CDR2L: variants seen among roughly 807,000 people sequenced by gnomAD.
CDR2L encodes the protein cerebellar degeneration related protein 2 like, also known as cerebellar degeneration-related protein 2-like.
A neutral mutation model predicts 36.1 loss-of-function variants in CDR2L; 19 were observed. That is an observed-to-expected ratio of 0.53 (90% CI 0.37 to 0.77). The LOEUF (loss-of-function observed/expected upper bound fraction) is 0.77. CDR2L is among the 30% of genes least tolerant of loss of function. The pLI, the probability that CDR2L is intolerant of heterozygous loss-of-function variation, is 0.00. For missense variants in CDR2L, 575 were observed against 627.2 expected (o/e 0.92, Z 0.89); for synonymous variants, 285 against 280.4 (o/e 1.02, Z -0.16).
At chr17:74,999,337 T>C (rs2039850326) in intron 1 of CDR2L, among the ~76,000 whole-genome samples, 167 bp from the exon 2 acceptor site, 2 of 129,696 alleles carry the variant, frequency 1.5e-5, no homozygotes, top group African/African-American at 2.7e-5. Flanking sequence ...AAAAGAACAT[T>C]CCAGGCAGAA....
rs1279410136 is a variant in CDR2L at position 75,003,390 on chromosome 17, G to A, written c.714G>A (p.Glu238=). The A allele has an allele frequency of 1.3e-6, 2 of 1,563,876 alleles. No individual in the cohort carries two copies. Among genetic ancestry groups the A allele is most frequent in the East Asian group, 2.4e-5 (1 of 41,724 alleles). The change falls in exon 5 of 5, where the codon GAG becomes GAA. Residue 238 remains glutamate, a synonymous_variant. Coordinates refer to ENST00000337231, the MANE Select transcript of CDR2L (RefSeq NM_014603.3). ...TGGAGCGCCAGCTGTGCGAGATGGA[G>A]GCCTGTCGCCTGCGTGTGCAGGAGC... ...SELERQLCEM[E]ACRLRVQELE...
chr17:74,995,576 G>A (rs549427242), intron 1 of CDR2L, among the ~76,000 whole-genome samples: 9 of 151,828 alleles, frequency 5.9e-5, no homozygotes, highest in Non-Finnish European at 8.8e-5. Flanking sequence ...GCACAATCTC[G>A]GCTCACTGCA....
At position 74,991,488 on chromosome 17, in the gene CDR2L, C is replaced by T. The variant is rs560793337; in HGVS notation, c.79+3366C>T. On this transcript the variant is annotated intron_variant, in intron 1 of 4. Transcript: ENST00000337231. ...ATCCCAGCACTTTGGGAGGCCGAGG[C>T]GGATGGATCACAACATCAGGAGATC... Among the ~76,000 whole-genome samples the T allele has an allele frequency of 1.3e-3, 200 of 150,610 alleles. 1 individual carries two copies. Among genetic ancestry groups the T allele is most frequent in the African/African-American group, 4.7e-3 (191 of 40,858 alleles).
chr17:75,004,100 C>G lies in CDR2L; in HGVS notation c.*26C>G, dbSNP rs2144870717. The G allele has an allele frequency of 6.3e-7, 1 of 1,575,086 alleles. No individual in the cohort carries two copies. Among genetic ancestry groups the G allele is most frequent in the East Asian group, 2.3e-5 (1 of 44,172 alleles). ...CCCTTCTCCGGCCTGCAGCCTCCCC[C>G]AGGGTGGAAGCCGTGGGGTCCCTCA... On this transcript the variant is annotated 3_prime_UTR_variant, in exon 5 of 5. Transcript: ENST00000337231.
At position 75,004,023 on chromosome 17, in the gene CDR2L, G is replaced by A; in HGVS notation, c.1347G>A (p.Lys449=). The A allele has an allele frequency of 6.2e-7, 1 of 1,610,952 alleles. No individual in the cohort carries two copies. The highest frequency in any genetic ancestry group is 1.1e-5 in the South Asian group (1 of 90,616). ...AAGAGATCTTCTCCAGGATCCAGAAGACCAAGGCTGACATCAACGCCACCA... is the reference window on the plus strand; with the variant it reads ...AAGAGATCTTCTCCAGGATCCAGAAAACCAAGGCTGACATCAACGCCACCA... The part of the protein sequence containing the change: ...LFKEIFSRIQ[K]TKADINATKV... Residue 449 remains lysine, a synonymous_variant, in exon 5 of 5, where the codon AAG becomes AAA. Coordinates refer to ENST00000337231, the MANE Select transcript of CDR2L (RefSeq NM_014603.3).
chr17:74,992,133 C>G (rs144216747), intron 1 of CDR2L, among the ~76,000 whole-genome samples: 140 of 152,122 alleles, frequency 9.2e-4, no homozygotes, highest in African/African-American at 2.8e-3. Flanking sequence ...GAAAATGTCC[C>G]CTCTCCCTTT....
chr17:75,003,534 C>A lies in CDR2L; in HGVS notation c.858C>A (p.Asp286Glu), dbSNP rs2039881681. Reference protein sequence around the residue: ...LAPLTQAPEADDPQPGRGDDL... With the variant: ...LAPLTQAPEAEDPQPGRGDDL... ...CCCTCACGCAGGCCCCTGAGGCCGA[C>A]GATCCCCAGCCCGGCCGCGGGGACG... is the stretch of plus-strand genomic sequence containing the variant. The change falls in exon 5 of 5, where the codon GAC becomes GAA. Residue 286 changes from aspartate to glutamate, a missense_variant. Coordinates refer to ENST00000337231, the MANE Select transcript of CDR2L (RefSeq NM_014603.3). 6.6e-7 allele frequency: 1 copy of A among 1,516,260 alleles called. No individual in the cohort carries two copies. Among genetic ancestry groups the A allele is most frequent in the Non-Finnish European group, 8.9e-7 (1 of 1,129,852 alleles). The allele number at this position is 1,516,260 out of a possible 1,614,324, so 93.9% of individuals were successfully genotyped here.
In CDR2L at chr17:75,003,396, T is replaced by C; in HGVS notation, c.720T>C (p.Cys240=). ...LERQLCEMEA[C]RLRVQELEAE... ...GCCAGCTGTGCGAGATGGAGGCCTGTCGCCTGCGTGTGCAGGAGCTGGAGG... is the reference window on the plus strand; with the variant it reads ...GCCAGCTGTGCGAGATGGAGGCCTGCCGCCTGCGTGTGCAGGAGCTGGAGG... The change falls in exon 5 of 5, where the codon TGT becomes TGC. Residue 240 remains cysteine (C), a synonymous_variant. Coordinates refer to ENST00000337231, the MANE Select transcript of CDR2L (RefSeq NM_014603.3). 6.4e-7 allele frequency: 1 copy of C among 1,565,048 alleles called. No homozygotes were observed. The highest frequency in any genetic ancestry group is 1.2e-5 in the South Asian group (1 of 84,870).
At chr17:74,990,074 C>T (rs2039787641) in intron 1 of CDR2L, among the ~76,000 whole-genome samples, 1 of 152,200 alleles carries the variant, frequency 6.6e-6, no homozygotes, top group South Asian at 2.1e-4. Context: ...TCACTTAATT[C>T]CTGCACCCCT....
chr17:75,000,318 A>G (rs148014859), intron 2 of CDR2L, among the ~76,000 whole-genome samples: 1 of 151,102 alleles, frequency 6.6e-6, no homozygotes, highest in Middle Eastern at 3.4e-3. Flanking sequence ...TCTTTTTTGA[A>G]ATGGAGTCTC....
intron 3 of CDR2L, 121 bp from the exon 4 acceptor site, chr17:75,001,943 C>A: frequency 1.2e-6 from 1 of 830,682 alleles, no homozygotes; most frequent in Non-Finnish European, 1.8e-6. Flanking sequence ...CAGACAGCGG[C>A]TCAAGGGTAC....
chr17:74,988,118 GC>G lies in CDR2L; in HGVS notation c.76del (p.Gln26ArgfsTer5). The G allele has an allele frequency of 6.5e-7, 1 of 1,531,082 alleles. No individual in the cohort carries two copies. The highest frequency in any genetic ancestry group is 2.1e-5 in the Admixed American group (1 of 48,058). The allele number at this position is 1,531,082 out of a possible 1,614,324, so 94.8% of individuals were successfully genotyped here. ...CCTGGTACGACCAGCAGGACCTGGA[GC>G]AGGGTGAGCGCGGGGGCGACCGGGA... The part of the protein sequence containing the change: ...ESWYDQQDLE[Q>X]DLHLAAELGK... On this transcript the variant is annotated frameshift_variant, in exon 1 of 5. Transcript: ENST00000337231. LOFTEE classifies it high-confidence loss of function.
At position 75,003,990 on chromosome 17, in the gene CDR2L, G is replaced by A. The variant is rs778268745; in HGVS notation, c.1314G>A (p.Ala438=). 9 of 1,609,586 alleles carry A rather than the reference G, an allele frequency of 5.6e-6. No homozygotes were observed. The South Asian group carries it at 7.8e-5, about 14-fold the overall frequency. Residue 438 remains alanine (A), a synonymous_variant, in exon 5 of 5, where the codon GCG becomes GCA. Transcript: ENST00000337231. The part of the protein sequence containing the change: ...RLEQSQPEYK[A]LFKEIFSRIQ... ...AACAGAGCCAGCCCGAGTACAAGGC[G>A]CTCTTCAAAGAGATCTTCTCCAGGA... is the stretch of plus-strand genomic sequence containing the variant.
At position 75,002,115 on chromosome 17, in the gene CDR2L, C is replaced by G; in HGVS notation, c.393C>G (p.Ala131=). 1.9e-6 allele frequency: 3 copies of G among 1,601,860 alleles called. No individual in the cohort carries two copies. Among genetic ancestry groups the G allele is most frequent in the Non-Finnish European group, 2.6e-6 (3 of 1,175,008 alleles). Residue 131 remains alanine, a synonymous_variant, in exon 4 of 5, where the codon GCC becomes GCG. Coordinates refer to ENST00000337231, the MANE Select transcript of CDR2L (RefSeq NM_014603.3). The surrounding 1 kb of genome is among the most constrained non-coding windows in gnomAD (Gnocchi z 4.1). ...RLQAQVEELQ[A]QVEQLRGLEQ... is the part of the protein sequence containing the mutation. ...AGGCTCAGGTGGAGGAGCTGCAGGCCCAGGTGGAGCAACTGAGAGGCCTGG... is the reference window on the plus strand; with the variant it reads ...AGGCTCAGGTGGAGGAGCTGCAGGCGCAGGTGGAGCAACTGAGAGGCCTGG...
Position 75,003,305 on chromosome 17 carries a change from G to T in CDR2L, c.629G>T (p.Arg210Leu), listed in dbSNP as rs768101303. The stretch of plus-strand genomic sequence containing the variant: ...CTGCGCTCCCAGGTGAGCCAGGAGC[G>T]GCAGCGCAAGGAGCGGGCGGAGCGC... The part of the protein sequence containing the change: ...GALRSQVSQE[R>L]QRKERAEREY... The change falls in exon 5 of 5, where the codon CGG becomes CTG. Residue 210 changes from arginine to leucine, a missense_variant. Coordinates refer to ENST00000337231, the MANE Select transcript of CDR2L (RefSeq NM_014603.3). The T allele has an allele frequency of 1.9e-6, 3 of 1,555,642 alleles. No homozygotes were observed. In the South Asian group the frequency reaches 3.6e-5, roughly 18 times the overall value.
Position 75,003,644 on chromosome 17 carries a change from ACG to A in CDR2L, c.970_971del (p.Ala324HisfsTer81). ...AAGAGCTGCAGCGACACTGCGCTCAACGCCATCGTGGCCAAAGACCCAGCCAG... is the reference window on the plus strand; with the variant it reads ...AAGAGCTGCAGCGACACTGCGCTCAACCATCGTGGCCAAAGACCCAGCCAG... On this transcript the variant is annotated frameshift_variant, in exon 5 of 5. Transcript: ENST00000337231. LOFTEE classifies it high-confidence loss of function. 6.8e-7 allele frequency: 1 copy of A among 1,461,150 alleles called. No homozygotes were observed. The highest frequency in any genetic ancestry group is 9.0e-7 in the Non-Finnish European group (1 of 1,106,270). The allele number at this position is 1,461,150 out of a possible 1,614,324, so 90.5% of individuals were successfully genotyped here. A position where few individuals can be genotyped will look rare whatever the true frequency, so the allele number is the denominator to read the frequency against.
rs2039894428 is a variant in CDR2L at position 75,004,959 on chromosome 17, C to G, written c.*885C>G. 1 of 153,000 alleles carries G rather than the reference C, an allele frequency of 6.5e-6. No homozygotes were observed. Among genetic ancestry groups the G allele is most frequent in the Non-Finnish European group, 1.5e-5 (1 of 68,324 alleles). The allele number at this position is 153,000 out of a possible 1,614,324, so 9.5% of individuals were successfully genotyped here. ...TGACTCCCGTCTCTGTGCTTGCCCC[C>G]ATCTCAGGGACCATGATGTCTCAGT... On this transcript the variant is annotated 3_prime_UTR_variant, in exon 5 of 5. Transcript: ENST00000337231.
At position 75,001,192 on chromosome 17, in the gene CDR2L, C is replaced by A. The variant is rs111485617; in HGVS notation, c.193-149C>A. ...GAGGTTGCAGTAAGCCGAAATCATG[C>A]CACTGCACTTCAGCCTGGGCAACAC... On this transcript the variant is annotated intron_variant, in intron 2 of 4. Coordinates refer to ENST00000337231, the MANE Select transcript of CDR2L (RefSeq NM_014603.3). The A allele has an allele frequency of 6.5e-6, 5 of 769,070 alleles. No homozygotes were observed. In the East Asian group the frequency reaches 1.2e-4, roughly 19 times the overall value. The allele number at this position is 769,070 out of a possible 1,614,324, so 47.6% of individuals were successfully genotyped here. A position where few individuals can be genotyped will look rare whatever the true frequency, so the allele number is the denominator to read the frequency against.
At chr17:74,994,198 C>T (rs1371451538) in intron 1 of CDR2L, among the ~76,000 whole-genome samples, 1 of 152,248 alleles carries the variant, frequency 6.6e-6, no homozygotes, top group Non-Finnish European at 1.5e-5. Flanking sequence ...ATCTAGGAAA[C>T]TTTCTGTCCG....
Sources: gnomAD v4.1 joint callset for allele counts (sites outside exome capture counted in the v4.1 genomes callset) on GRCh38, gnomAD v4.1.1 for gene constraint, Gnocchi (gnomAD v3.1) non-coding constraint, MANE v1.5 for transcripts, NCBI Gene and HGNC (gene_info 2026-07-23, HGNC 2026-07-21) for gene names.